The following OR4Q3 variants were observed in gnomAD, a reference collection of about 807,000 sequenced individuals.
OR4Q3 encodes olfactory receptor 4Q3.
OR4Q3 carries 17 observed loss-of-function variants against 18.8 expected under a neutral mutation model. That is an observed-to-expected ratio of 0.91 (90% CI 0.62 to 1.36). The LOEUF is 1.36. Among genes scored for constraint, OR4Q3 ranks in the 40% most tolerant of loss-of-function variants. The pLI is 0.00. For missense variants in OR4Q3, 378 were observed against 373.4 expected (o/e 1.01, Z -0.10); for synonymous variants, 158 against 145.8 (o/e 1.08, Z -0.60).
In OR4Q3 at chr14:19,744,760, T is replaced by C; in HGVS notation, c.2+1089T>C. On this transcript the variant is annotated intron_variant, in intron 1 of 1. Coordinates refer to ENST00000642117, the Ensembl canonical transcript of OR4Q3. Reference sequence around the variant, plus strand: ...GGATAATGAAGCTGGTGTTTTTGAATGTGGCTTTCCAAGCCCTGCAGGGCT... The same window carrying C: ...GGATAATGAAGCTGGTGTTTTTGAACGTGGCTTTCCAAGCCCTGCAGGGCT... Among the ~76,000 whole-genome samples, 4 of 152,296 alleles carry C rather than the reference T, an allele frequency of 2.6e-5. No individual in the cohort carries two copies. The East Asian group carries it at 7.7e-4, about 29-fold the overall frequency.
exon 2 of OR4Q3, chr14:19,748,398 A>G: frequency 6.6e-7 from 1 of 1,514,892 alleles, no homozygotes; most frequent in Non-Finnish European, 9.0e-7. Flanking sequence ...GATTTGAAAA[A>G]CACACTCTTT....
chr14:19,747,728 C>T lies in OR4Q3; in HGVS notation c.325C>T (p.Gln109Ter). 1.2e-6 allele frequency: 2 copies of T among 1,613,824 alleles called. No homozygotes were observed. Among genetic ancestry groups the T allele is most frequent in the Non-Finnish European group, 1.7e-6 (2 of 1,179,952 alleles). The stretch of plus-strand genomic sequence containing the variant: ...CATCTCTTTTTCAGGATGCCTGGCC[C>T]AGATCTACTTCCTCCACTTTCTAGG... Residue 109 changes from glutamine (Q) to a stop codon, truncating the protein, a stop_gained, in exon 2 of 2, where the codon CAG (glutamine) becomes TAG (stop). Coordinates refer to ENST00000642117, the Ensembl canonical transcript of OR4Q3. LOFTEE classifies it high-confidence loss of function.
intron 1 of OR4Q3, 134 bp downstream of exon 1, chr14:19,743,805 G>T (rs1877368717): frequency 6.6e-6 from 1 of 152,048 alleles, no homozygotes; most frequent in Non-Finnish European, 1.5e-5. Flanking sequence ...TTAAATTTAA[G>T]AGATCATTTG....
chr14:19,745,741 A>G, intron 1 of OR4Q3, among the ~76,000 whole-genome samples: 1 of 152,216 alleles, frequency 6.6e-6, no homozygotes, highest in African/African-American at 2.4e-5. Flanking sequence ...TGCATCCAAA[A>G]AAGATTAGAG....
At chr14:19,746,785 C>G in intron 1 of OR4Q3, among the ~76,000 whole-genome samples, 1 of 152,218 alleles carries the variant, frequency 6.6e-6, no homozygotes, top group Non-Finnish European at 1.5e-5. Context: ...TACAACATAG[C>G]AATTTGTTGT....
intron 1 of OR4Q3, among the ~76,000 whole-genome samples, chr14:19,745,749 G>C: frequency 6.6e-6 from 1 of 152,194 alleles, no homozygotes; most frequent in Non-Finnish European, 1.5e-5. Context: ...AAAAAGATTA[G>C]AGAATTTTCA....
At chr14:19,750,895 A>C, downstream of OR4Q3, among the ~76,000 whole-genome samples, 61 of 152,352 alleles carry the variant, frequency 4.0e-4, no homozygotes, top group East Asian at 0.01. Flanking sequence ...AATATCCTGA[A>C]GAGCAGTATG....
chr14:19,744,488 A>G (rs1397799293), intron 1 of OR4Q3, among the ~76,000 whole-genome samples: 2 of 152,212 alleles, frequency 1.3e-5, no homozygotes, highest in Non-Finnish European at 2.9e-5. Context: ...TTCCCTGTTT[A>G]GAAAGAAGAG....
intron 1 of OR4Q3, among the ~76,000 whole-genome samples, chr14:19,746,165 CA>C: frequency 6.6e-6 from 1 of 151,960 alleles, no homozygotes; most frequent in Non-Finnish European, 1.5e-5. Context: ...GAACCCAGTG[CA>C]ACATGGATTA....
chr14:19,749,907 T>TTTCTTTCTTTC, downstream of OR4Q3, among the ~76,000 whole-genome samples: 3 of 8,356 alleles, frequency 3.6e-4, no homozygotes, highest in East Asian at 7.9e-3. Context: ...TCTTTCTTTC[T>TTTCTTTCTTTC]TTTTTCTTTC....
At chr14:19,749,989 TTC>T, downstream of OR4Q3, among the ~76,000 whole-genome samples, 15 of 82,978 alleles carry the variant, frequency 1.8e-4, no homozygotes, top group South Asian at 3.1e-3. Context: ...TTCTTTCTTC[TTC>T]TTTTTTTTTT....
At chr14:19,747,371 TA>T in intron 1 of OR4Q3, 34 bp from the exon 2 acceptor site, 4 of 1,193,302 alleles carry the variant, frequency 3.4e-6, no homozygotes, top group Non-Finnish European at 4.8e-6. Flanking sequence ...ATATCTACCT[TA>T]AATCTCCCTT....
chr14:19,751,005 A>G, downstream of OR4Q3, among the ~76,000 whole-genome samples: 1 of 152,266 alleles, frequency 6.6e-6, no homozygotes, highest in African/African-American at 2.4e-5. Context: ...AGGGATTACC[A>G]GGCATGTTTC....
chr14:19,750,526 T>G, downstream of OR4Q3, among the ~76,000 whole-genome samples: 1 of 152,246 alleles, frequency 6.6e-6, no homozygotes. Context: ...GAGGCTTTTA[T>G]GATTACTTAG....
downstream of OR4Q3, among the ~76,000 whole-genome samples, chr14:19,750,570 A>G: frequency 6.6e-6 from 1 of 152,268 alleles, no homozygotes; most frequent in East Asian, 1.9e-4. Context: ...AATGTCTGAA[A>G]CTCCATCTAA....
chr14:19,744,978 G>A, intron 1 of OR4Q3, among the ~76,000 whole-genome samples: 9 of 152,106 alleles, frequency 5.9e-5, no homozygotes, highest in Non-Finnish European at 8.8e-5. Flanking sequence ...AAACCTAAAA[G>A]GGAGCTTTCT....
At chr14:19,749,906 CT>C, downstream of OR4Q3, among the ~76,000 whole-genome samples, 663 of 8,272 alleles carry the variant, frequency 0.08, 4 homozygotes, top group Middle Eastern at 0.3. Flanking sequence ...TTCTTTCTTT[CT>C]TTTTTCTTTC....
chr14:19,749,321 A>G, exon 2 of OR4Q3: 3 of 152,328 alleles, frequency 2.0e-5, no homozygotes, highest in African/African-American at 7.2e-5. Flanking sequence ...AAGAAATGCA[A>G]TCAATCAAGA....
Position 19,748,534 on chromosome 14 carries a change from C to G in OR4Q3, c.*165C>G. ...GATTACAATTTAAAAGCATAGGTGGCACTCTAGAAAGCCACCTATGCCTTT... is the reference window on the plus strand; with the variant it reads ...GATTACAATTTAAAAGCATAGGTGGGACTCTAGAAAGCCACCTATGCCTTT... On this transcript the variant is annotated 3_prime_UTR_variant, in exon 2 of 2. Coordinates refer to ENST00000642117, the Ensembl canonical transcript of OR4Q3. 5 of 623,842 alleles carry G rather than the reference C, an allele frequency of 8.0e-6. No individual in the cohort carries two copies. The African/African-American group carries it at 9.3e-5, about 12-fold the overall frequency. 38.6% of individuals were successfully genotyped at this position (623,842 alleles called of 1,614,324 possible).
Sources: gnomAD v4.1 joint callset for allele counts (sites outside exome capture counted in the v4.1 genomes callset) on GRCh38, gnomAD v4.1.1 for gene constraint, MANE v1.5 for transcripts, NCBI Gene and HGNC (gene_info 2026-07-23, HGNC 2026-07-21) for gene names.